PCLO: variants seen among roughly 807,000 people sequenced by gnomAD.
PCLO encodes piccolo presynaptic cytomatrix protein.
A neutral mutation model predicts 427.5 loss-of-function variants in PCLO; 82 were observed. The ratio of observed to expected loss-of-function variants is 0.19; its 90% confidence interval spans 0.16 to 0.23. The LOEUF (loss-of-function observed/expected upper bound fraction) is 0.23, where lower values mean the gene tolerates loss of function less well. Among genes scored for constraint, PCLO ranks in the 10% least tolerant of loss-of-function variants. The pLI, the probability that PCLO is intolerant of heterozygous loss-of-function variation, is 1.00. For missense variants in PCLO, 6,239 were observed against 6,115.9 expected (o/e 1.02, Z -0.67); for synonymous variants, 2,357 against 2,155.4 (o/e 1.09, Z -2.59).
chr7:82,949,278 C>T lies in PCLO; in HGVS notation c.11112+198G>A, dbSNP rs577481805. Among the ~76,000 whole-genome samples, 116 of 151,148 alleles carry T rather than the reference C, an allele frequency of 7.7e-4. 1 individual carries two copies. In the South Asian group the frequency reaches 0.013, roughly 17 times the overall value. Reference sequence around the variant, plus strand: ...TCCTACACACACACACACACACAAGCGCACACACACACGTGTGCACACACA... The same window carrying T: ...TCCTACACACACACACACACACAAGTGCACACACACACGTGTGCACACACA... On this transcript the variant is annotated intron_variant, in intron 6 of 24. Coordinates refer to ENST00000333891, the MANE Select transcript of PCLO (RefSeq NM_033026.6).
chr7:83,108,710 AT>A (rs765664600), intron 3 of PCLO, among the ~76,000 whole-genome samples: 1 of 151,770 alleles, frequency 6.6e-6, no homozygotes, highest in Admixed American at 6.6e-5. Flanking sequence ...CCACCTCCTC[AT>A]TTTTTTACCT....
At chr7:82,981,390 A>G (rs2115776418) in intron 3 of PCLO, among the ~76,000 whole-genome samples, 1 of 152,302 alleles carries the variant, frequency 6.6e-6, no homozygotes, top group African/African-American at 2.4e-5. Context: ...CCAGCAAAGC[A>G]TATTAAACAG....
intron 22 of PCLO, among the ~76,000 whole-genome samples, chr7:82,801,000 T>G (rs1158439037): frequency 6.6e-6 from 1 of 151,756 alleles, no homozygotes; most frequent in Non-Finnish European, 1.5e-5. Context: ...TGGTAATAAT[T>G]TATTATTTGT....
At position 82,915,066 on chromosome 7, in the gene PCLO, C is replaced by T. The variant is rs1478172896; in HGVS notation, c.12920G>A (p.Arg4307Lys). 3.7e-6 allele frequency: 6 copies of T among 1,611,228 alleles called. No individual in the cohort carries two copies. The highest frequency in any genetic ancestry group is 1.3e-5 in the African/African-American group (1 of 74,978). ...TCTTAGGGAAGAGCTAGAAGAATCC[C>T]TTTTAATTGATAAATCAAGCCCATA... ...SVYGLDLSIK[R>K]DSSSSSLRLK... Residue 4307 changes from arginine (R) to lysine (K), a missense_variant, in exon 7 of 25, where the codon AGG becomes AAG. Arg to Lys is a conservative substitution (Grantham distance 26). Around this residue, in one of 5 missense-constraint regions of PCLO, gnomAD observed 680 missense variants for 677.3 expected, o/e 1.00. Transcript: ENST00000333891.
At chr7:83,004,760 T>C (rs1021278948) in intron 3 of PCLO, among the ~76,000 whole-genome samples, 4 of 151,546 alleles carry the variant, frequency 2.6e-5, no homozygotes, top group African/African-American at 9.7e-5. Context: ...AGAAAATATT[T>C]GAAAAACATA....
chr7:82,841,104 G>GA (rs1792355253), intron 14 of PCLO, among the ~76,000 whole-genome samples: 4 of 151,772 alleles, frequency 2.6e-5, no homozygotes, highest in South Asian at 2.1e-4. Flanking sequence ...ATTAAAAGAA[G>GA]AAAAAATCCC....
intron 3 of PCLO, among the ~76,000 whole-genome samples, chr7:83,107,986 TAA>T (rs58192300): frequency 0.41 from 38,936 of 95,272 alleles, 6,652 homozygotes; most frequent in East Asian, 0.68. Flanking sequence ...AGACTCCGTC[TAA>T]AAAAAAAAAA....
intron 22 of PCLO, among the ~76,000 whole-genome samples, chr7:82,800,556 G>A (rs1562791863): frequency 6.6e-6 from 1 of 152,012 alleles, no homozygotes; most frequent in Non-Finnish European, 1.5e-5. Context: ...TATAGAGAGA[G>A]GTTGGAATGA....
chr7:82,837,664 TA>T (rs570314392), intron 15 of PCLO, among the ~76,000 whole-genome samples: 12 of 152,144 alleles, frequency 7.9e-5, no homozygotes, highest in African/African-American at 2.9e-4. Context: ...TTCAAAGAGA[TA>T]TTTTTTATTT....
chr7:83,161,558 A>T (rs923343115), intron 1 of PCLO, among the ~76,000 whole-genome samples: 2 of 152,238 alleles, frequency 1.3e-5, no homozygotes, highest in African/African-American at 4.8e-5. Context: ...ATTAGCTCTT[A>T]TACTTGCCTA....
At chr7:82,850,770 C>T (rs897107533) in intron 10 of PCLO, among the ~76,000 whole-genome samples, 1 of 152,038 alleles carries the variant, frequency 6.6e-6, no homozygotes, top group African/African-American at 2.4e-5. Flanking sequence ...CAATTCATCA[C>T]CTTTGCTTAT....
intron 6 of PCLO, among the ~76,000 whole-genome samples, chr7:82,938,540 T>C (rs1795008722): frequency 6.6e-6 from 1 of 152,076 alleles, no homozygotes; most frequent in South Asian, 2.1e-4. Flanking sequence ...TTGGGGCAGC[T>C]TTTGCCTATA....
intron 3 of PCLO, among the ~76,000 whole-genome samples, chr7:83,104,974 G>C (rs964514825): frequency 6.7e-6 from 1 of 149,740 alleles, no homozygotes; most frequent in African/African-American, 2.5e-5. Context: ...CAAGATCAGA[G>C]TTTTCAGTAG....
chr7:82,885,171 C>T (rs904054934), intron 9 of PCLO, among the ~76,000 whole-genome samples: 1 of 152,014 alleles, frequency 6.6e-6, no homozygotes, highest in African/African-American at 2.4e-5. Context: ...GATTGGATTC[C>T]ATCTTAAGAG....
chr7:82,762,963 T>C (rs1790461434), intron 22 of PCLO, among the ~76,000 whole-genome samples: 1 of 151,972 alleles, frequency 6.6e-6, no homozygotes, highest in Non-Finnish European at 1.5e-5. Flanking sequence ...CTTTTAGAGA[T>C]AGGGTCTCAC....
At position 82,955,259 on chromosome 7, in the gene PCLO, C is replaced by T. The variant is rs778474211; in HGVS notation, c.5694G>A (p.Glu1898=). The change falls in exon 5 of 25, where the codon GAG becomes GAA. Residue 1898 remains glutamate, a synonymous_variant. Coordinates refer to ENST00000333891, the MANE Select transcript of PCLO (RefSeq NM_033026.6). The part of the protein sequence containing the change: ...TAVSLYSPTD[E]QSIMQKEGSQ... ...TACCTTCTTTCTGCATAATAGATTG[C>T]TCATCTGTTGGTGAGTATAATGAAA... is the stretch of plus-strand genomic sequence containing the variant. 5.6e-6 allele frequency: 9 copies of T among 1,613,522 alleles called. No homozygotes were observed. In the Middle Eastern group the frequency reaches 6.6e-4, roughly 118 times the overall value.
intron 3 of PCLO, among the ~76,000 whole-genome samples, chr7:83,043,743 G>A (rs1285601879): frequency 1.3e-5 from 2 of 152,052 alleles, no homozygotes; most frequent in East Asian, 1.9e-4. Flanking sequence ...GCTGTGGTTG[G>A]GGTGGACAGA....
chr7:82,834,948 TTTTTTTTGTTTG>T (rs1792190163), intron 16 of PCLO, among the ~76,000 whole-genome samples: 2 of 115,646 alleles, frequency 1.7e-5, no homozygotes, highest in African/African-American at 5.6e-5. Context: ...CCTATTATCT[TTTTTTTTGTTTG>T]TTTGTTTGTT....
chr7:82,822,264 G>A lies in PCLO; in HGVS notation c.14791+231C>T, dbSNP rs1791811494. 2.9e-6 allele frequency: 4 copies of A among 1,377,060 alleles called. No homozygotes were observed. In the African/African-American group the frequency reaches 4.4e-5, roughly 15 times the overall value. The allele number at this position is 1,377,060 out of a possible 1,614,324, so 85.3% of individuals were successfully genotyped here. ...CTATGAGCCAGGTTGGATGGATGGTGGAAACAAAGGAGAAACAGCCAGTTT... is the reference window on the plus strand; with the variant it reads ...CTATGAGCCAGGTTGGATGGATGGTAGAAACAAAGGAGAAACAGCCAGTTT... On this transcript the variant is annotated intron_variant, in intron 20 of 24. Transcript: ENST00000333891.
Sources: gnomAD v4.1 joint callset for allele counts (sites outside exome capture counted in the v4.1 genomes callset) on GRCh38, gnomAD v4.1.1 for gene constraint, gnomAD v4.1.1 regional missense constraint, MANE v1.5 for transcripts, NCBI Gene and HGNC (gene_info 2026-07-23, HGNC 2026-07-21) for gene names.